The following SLC5A1 variants were observed in gnomAD, a reference collection of about 807,000 sequenced individuals.
SLC5A1 encodes the protein sodium/glucose cotransporter 1.
In SLC5A1, 42 loss-of-function variants were observed where a neutral mutation model predicts 73.5. The observed-to-expected ratio is 0.57, with a 90% confidence interval of 0.45 to 0.74. The LOEUF (loss-of-function observed/expected upper bound fraction) is 0.74. Among genes scored for constraint, SLC5A1 ranks in the 30% least tolerant of loss-of-function variants. SLC5A1 has a pLI of 0.00. For synonymous variants in SLC5A1, 300 were observed against 317.4 expected (o/e 0.95, Z 0.58); for missense variants, 634 against 855.4 (o/e 0.74, Z 3.23).
At chr22:32,045,995 A>G (rs1191599313) in intron 1 of SLC5A1, among the ~76,000 whole-genome samples, 2 of 152,232 alleles carry the variant, frequency 1.3e-5, no homozygotes, top group Non-Finnish European at 2.9e-5. Context: ...GAGACCCTGT[A>G]TATTCCACAA....
chr22:32,060,226 T>C (rs1417724058), intron 2 of SLC5A1, among the ~76,000 whole-genome samples: 1 of 151,570 alleles, frequency 6.6e-6, no homozygotes, highest in Non-Finnish European at 1.5e-5. Flanking sequence ...AACTTTGCTC[T>C]TGTTGCCCAG....
intron 2 of SLC5A1, among the ~76,000 whole-genome samples, chr22:32,065,293 T>C (rs930244186): frequency 2.0e-5 from 3 of 152,138 alleles, no homozygotes; most frequent in Non-Finnish European, 4.4e-5. Context: ...CATTATCATA[T>C]ATCAACCTTC....
chr22:32,096,711 A>G (rs760660774), intron 11 of SLC5A1, among the ~76,000 whole-genome samples: 3 of 152,204 alleles, frequency 2.0e-5, no homozygotes, highest in Non-Finnish European at 4.4e-5. Context: ...CTCTGGACAG[A>G]GGATCAACAG....
chr22:32,087,491 C>T (rs2094010103), intron 10 of SLC5A1, among the ~76,000 whole-genome samples: 1 of 152,162 alleles, frequency 6.6e-6, no homozygotes, highest in South Asian at 2.1e-4. Flanking sequence ...CAAGGAAACA[C>T]ATGGGGAAAG....
intron 2 of SLC5A1, among the ~76,000 whole-genome samples, chr22:32,062,530 C>T (rs2093964914): frequency 6.6e-6 from 1 of 152,022 alleles, no homozygotes; most frequent in Admixed American, 6.6e-5. Context: ...CCTTTTGAGT[C>T]CCATTGGAGG....
rs17683704 is a variant in SLC5A1 at position 32,110,054 on chromosome 22, A to G, written c.1836A>G (p.Leu612=). The part of the protein sequence containing the change: ...FRRAYDLFCG[L]EQHGAPKMTE... ...GAGCCTATGACCTATTTTGTGGGCT[A>G]GAGCAGCACGGTGCACCCAAGATGA... Residue 612 remains leucine (L), a synonymous_variant, in exon 15 of 15, where the codon CTA becomes CTG. Transcript: ENST00000266088. 0.066 allele frequency: 105,714 copies of G among 1,613,342 alleles called. 3,936 individuals carry two copies. Among genetic ancestry groups the G allele is most frequent in the Non-Finnish European group, 0.077 (90,413 of 1,179,238 alleles).
At chr22:32,062,059 G>A (rs895994104) in intron 2 of SLC5A1, among the ~76,000 whole-genome samples, 2 of 152,194 alleles carry the variant, frequency 1.3e-5, no homozygotes, top group African/African-American at 2.4e-5. Flanking sequence ...TACTTGTTCT[G>A]TTGCACTATA....
At chr22:32,099,697 G>T (rs1237438830) in intron 12 of SLC5A1, among the ~76,000 whole-genome samples, 4 of 152,012 alleles carry the variant, frequency 2.6e-5, no homozygotes, top group African/African-American at 7.2e-5. Context: ...AAAGTACTAG[G>T]ATTACAAGCC....
intron 3 of SLC5A1, among the ~76,000 whole-genome samples, chr22:32,067,252 G>C (rs2093975103): frequency 1.3e-5 from 2 of 152,070 alleles, no homozygotes; most frequent in Admixed American, 6.5e-5. Flanking sequence ...GACAGCAATA[G>C]TATTTTTTCT....
rs776740141 is a variant in SLC5A1, at chr22:32,102,174, C to T, written c.1602C>T (p.Phe534=). 20 of 1,613,994 alleles carry T rather than the reference C, an allele frequency of 1.2e-5. No individual in the cohort carries two copies. The highest frequency in any genetic ancestry group is 7.7e-5 in the South Asian group (7 of 91,084). ...VHYLYFAIIL[F]AISFITIVVI... ...ACTTGTACTTTGCCATTATCCTCTT[C>T]GCCATTTCTTTCATCACCATCGTGG... The change falls in exon 13 of 15, where the codon TTC becomes TTT. Residue 534 remains phenylalanine (F), a synonymous_variant. Coordinates refer to ENST00000266088, the MANE Select transcript of SLC5A1 (RefSeq NM_000343.4).
Position 32,043,909 on chromosome 22 carries a change from G to A in SLC5A1, c.135+493G>A, listed in dbSNP as rs2093933655. On this transcript the variant is annotated intron_variant, in intron 1 of 14. Coordinates refer to ENST00000266088, the MANE Select transcript of SLC5A1 (RefSeq NM_000343.4). The surrounding 1 kb of genome is among the most constrained non-coding windows in gnomAD (Gnocchi z 6.5). Reference sequence around the variant, plus strand: ...GGCAGACAGAGGGATGCTGACCCATGCCCCACTCCTGGGAGAGGCTAACCC... The same window carrying A: ...GGCAGACAGAGGGATGCTGACCCATACCCCACTCCTGGGAGAGGCTAACCC... 6.6e-6 allele frequency among the ~76,000 whole-genome samples: 1 copy of A among 152,180 alleles called. No individual in the cohort carries two copies. The highest frequency in any genetic ancestry group is 2.4e-5 in the African/African-American group (1 of 41,442).
intron 2 of SLC5A1, among the ~76,000 whole-genome samples, chr22:32,063,498 C>T (rs2093967083): frequency 6.6e-6 from 1 of 152,158 alleles, no homozygotes; most frequent in African/African-American, 2.4e-5. Context: ...TGTCTCTGCA[C>T]TTGAGGGAAC....
At chr22:32,058,838 C>T (rs766806748) in intron 2 of SLC5A1, among the ~76,000 whole-genome samples, 53 of 152,204 alleles carry the variant, frequency 3.5e-4, no homozygotes, top group Non-Finnish European at 6.2e-4. Context: ...CTGCTGTTCT[C>T]ATGGGCCCTG....
At chr22:32,074,216 TGCAGGGGTG>T (rs1319012166) in intron 5 of SLC5A1, among the ~76,000 whole-genome samples, 1 of 152,178 alleles carries the variant, frequency 6.6e-6, no homozygotes. Context: ...TCAGAGCTGG[TGCAGGGGTG>T]GCAGGGGTGG....
intron 13 of SLC5A1, among the ~76,000 whole-genome samples, chr22:32,104,364 G>C (rs148975843): frequency 0.016 from 2,436 of 152,278 alleles, 35 homozygotes; most frequent in Middle Eastern, 0.037. Context: ...ATTCTATTAT[G>C]GCTCATGATT....
At chr22:32,060,332 C>T (rs909198614) in intron 2 of SLC5A1, among the ~76,000 whole-genome samples, 23 of 152,070 alleles carry the variant, frequency 1.5e-4, no homozygotes, top group African/African-American at 5.1e-4. Context: ...GCTGGAATTA[C>T]AGGCACCTAC....
chr22:32,098,059 G>A (rs770101754), intron 11 of SLC5A1, among the ~76,000 whole-genome samples: 2 of 152,218 alleles, frequency 1.3e-5, no homozygotes, highest in Non-Finnish European at 2.9e-5. Context: ...ATGTTGGTGA[G>A]GGTGTGGGTC....
chr22:32,098,589 G>T (rs1052203732), intron 11 of SLC5A1, among the ~76,000 whole-genome samples: 1 of 152,152 alleles, frequency 6.6e-6, no homozygotes, highest in African/African-American at 2.4e-5. Context: ...TTCTCTTATG[G>T]TGGTGAGTGG....
In SLC5A1 at chr22:32,081,977, T is replaced by A. The variant is rs778412902; in HGVS notation, c.583+6T>A. The A allele has an allele frequency of 6.3e-7, 1 of 1,577,270 alleles. No homozygotes were observed. Among genetic ancestry groups the A allele is most frequent in the Non-Finnish European group, 8.7e-7 (1 of 1,146,498 alleles). On this transcript the variant is annotated splice_donor_region_variant and intron_variant, in intron 6 of 14. Coordinates refer to ENST00000266088, the MANE Select transcript of SLC5A1 (RefSeq NM_000343.4). ...TGCCCTTTACACAATTACAGGTGAG[T>A]CCATTCAAATAAACCAGCACCTCAA... is the stretch of plus-strand genomic sequence containing the variant.
Sources: gnomAD v4.1 joint callset for allele counts (sites outside exome capture counted in the v4.1 genomes callset) on GRCh38, gnomAD v4.1.1 for gene constraint, Gnocchi (gnomAD v3.1) non-coding constraint, MANE v1.5 for transcripts, NCBI Gene and HGNC (gene_info 2026-07-23, HGNC 2026-07-21) for gene names.